The following HK1 variants were observed in gnomAD, a reference collection of about 807,000 sequenced individuals.
The protein encoded by HK1 is hexokinase 1, also known as hexokinase-1.
HK1 carries 28 observed loss-of-function variants against 91.6 expected under a neutral mutation model. The observed-to-expected ratio is 0.31, with a 90% CI of 0.23 to 0.42. The LOEUF is 0.42. Among genes scored for constraint, HK1 ranks in the 10% least tolerant of loss-of-function variants. The pLI is 1.00. For missense variants in HK1, 770 were observed against 1,219.8 expected, an observed-to-expected ratio of 0.63 and a Z score of 5.49; for synonymous variants, 430 against 468.1, an observed-to-expected ratio of 0.92 and a Z score of 1.05.
Position 69,270,597 on chromosome 10 carries a change from A to T in HK1, c.-391+489A>T, listed in dbSNP as rs565609741. Reference sequence around the variant, plus strand: ...TCTGTCTAAAAAAGAAAAAAAAAAAAGGAAGAGAGAGCATCTTTATCTTCA... The same window carrying T: ...TCTGTCTAAAAAAGAAAAAAAAAAATGGAAGAGAGAGCATCTTTATCTTCA... On this transcript the variant is annotated intron_variant, in intron 1 of 21. Transcript: ENST00000360289. Among the ~76,000 whole-genome samples the T allele has an allele frequency of 3.3e-5, 5 of 151,908 alleles. No homozygotes were observed. In the South Asian group the frequency reaches 1.0e-3, roughly 32 times the overall value.
At chr10:69,367,058 C>G (rs1849742304) in intron 4 of HK1, among the ~76,000 whole-genome samples, 1 of 152,176 alleles carries the variant, frequency 6.6e-6, no homozygotes, top group African/African-American at 2.4e-5. Context: ...GAAGGTGCAG[C>G]CTTCTATGGA....
At chr10:69,389,838 G>T (rs1839816771) in intron 14 of HK1, among the ~76,000 whole-genome samples, 1 of 152,186 alleles carries the variant, frequency 6.6e-6, no homozygotes. Flanking sequence ...TTGCAGAGGG[G>T]TTGTCTCTGC....
rs764561693 is a variant in HK1 at position 69,300,808 on chromosome 10, T to A, written c.-27T>A. The A allele has an allele frequency of 1.9e-6, 3 of 1,611,410 alleles. No individual in the cohort carries two copies. In the African/African-American group the frequency reaches 4.0e-5, roughly 22 times the overall value. On this transcript the variant is annotated 5_prime_UTR_variant, in exon 5 of 22. Transcript: ENST00000360289. ...TTGAGAGCATCAGCCAGGACATTAA[T>A]GTGCACCACTGTGGTGGCGTGGAAA...
At position 69,379,994 on chromosome 10, in the gene HK1, C is replaced by T; in HGVS notation, c.1164C>T (p.Ala388=). 1 of 1,614,178 alleles carries T rather than the reference C, an allele frequency of 6.2e-7. No individual in the cohort carries two copies. Among genetic ancestry groups the T allele is most frequent in the Non-Finnish European group, 8.5e-7 (1 of 1,180,008 alleles). Reference sequence around the variant, plus strand: ...TTCGCTCAGCCAACTTGGTGGCTGCCACACTGGGCGCCATCTTGAACCGCC... The same window carrying T: ...TTCGCTCAGCCAACTTGGTGGCTGCTACACTGGGCGCCATCTTGAACCGCC... The part of the protein sequence containing the change: ...VSFRSANLVA[A]TLGAILNRLR... The change falls in exon 9 of 18, where the codon GCC becomes GCT. Residue 388 remains alanine, a synonymous_variant. Transcript: ENST00000359426.
intron 1 of HK1, among the ~76,000 whole-genome samples, chr10:69,336,656 T>TG (rs1848006220): frequency 6.7e-6 from 1 of 149,258 alleles, no homozygotes; most frequent in African/African-American, 2.5e-5. Flanking sequence ...TTTTTTTTTT[T>TG]TGAGATGGAT....
intron 1 of HK1, among the ~76,000 whole-genome samples, chr10:69,279,022 G>T (rs1564748583): frequency 6.6e-6 from 1 of 152,200 alleles, no homozygotes; most frequent in Non-Finnish European, 1.5e-5. Flanking sequence ...CCATCTTTAT[G>T]CAAGAAATGT....
At chr10:69,310,508 T>C (rs1393840186) in intron 5 of HK1, among the ~76,000 whole-genome samples, 3 of 152,088 alleles carry the variant, frequency 2.0e-5, no homozygotes, top group East Asian at 3.9e-4. Flanking sequence ...TGCTGACCCA[T>C]GTCATCTTAG....
intron 1 of HK1, among the ~76,000 whole-genome samples, chr10:69,332,219 A>G (rs1022790001): frequency 1.3e-5 from 2 of 152,160 alleles, no homozygotes; most frequent in African/African-American, 2.4e-5. Flanking sequence ...CATTTAAAGC[A>G]GTGGGTTTCT....
chr10:69,370,600 C>T (rs1589553552), intron 7 of HK1, among the ~76,000 whole-genome samples: 1 of 152,050 alleles, frequency 6.6e-6, no homozygotes, highest in South Asian at 2.1e-4. Context: ...TCTGAGGATC[C>T]AAAACAGCAC....
chr10:69,399,257 TC>T, intron 17 of HK1, among the ~76,000 whole-genome samples: 1 of 152,140 alleles, frequency 6.6e-6, no homozygotes, highest in Non-Finnish European at 1.5e-5. Flanking sequence ...ACACCTGTAA[TC>T]CAGCACTTTG....
chr10:69,321,809 G>A (rs1847049203), intron 1 of HK1, among the ~76,000 whole-genome samples: 1 of 152,118 alleles, frequency 6.6e-6, no homozygotes, highest in Non-Finnish European at 1.5e-5. Context: ...CCATTATCCA[G>A]ACGGCATCTG....
chr10:69,273,509 C>T (rs1174813548), intron 1 of HK1, among the ~76,000 whole-genome samples: 1 of 152,210 alleles, frequency 6.6e-6, no homozygotes, highest in East Asian at 1.9e-4. Context: ...AGCCACCGCT[C>T]CCAGCCTAAC....
intron 14 of HK1, among the ~76,000 whole-genome samples, chr10:69,389,821 A>C (rs1340636148): frequency 6.6e-6 from 1 of 152,176 alleles, no homozygotes; most frequent in Non-Finnish European, 1.5e-5. Context: ...CCAGCCACTG[A>C]AGGGGGTTGC....
chr10:69,287,649 T>C (rs1485033169), intron 2 of HK1, among the ~76,000 whole-genome samples: 1 of 152,112 alleles, frequency 6.6e-6, no homozygotes, highest in Non-Finnish European at 1.5e-5. Context: ...GGTTTCCTTA[T>C]AGAGTGATGA....
intron 1 of HK1, among the ~76,000 whole-genome samples, chr10:69,271,658 T>A (rs1052441909): frequency 6.6e-6 from 1 of 151,718 alleles, no homozygotes; most frequent in African/African-American, 2.4e-5. Flanking sequence ...TTTGCATTTT[T>A]ATTAGAGATG....
upstream of HK1, among the ~76,000 whole-genome samples, chr10:69,311,210 T>G (rs1846361331): frequency 6.6e-6 from 1 of 152,174 alleles, no homozygotes; most frequent in African/African-American, 2.4e-5. Context: ...TTAATGCTGG[T>G]CGGATGGGAC....
At chr10:69,367,823 T>C (rs1216860216) in intron 4 of HK1, among the ~76,000 whole-genome samples, 1 of 151,928 alleles carries the variant, frequency 6.6e-6, no homozygotes, top group East Asian at 1.9e-4. Context: ...ATCTTTTTAG[T>C]TTTTTTTTAA....
chr10:69,359,717 G>T (rs1849317842), intron 2 of HK1, among the ~76,000 whole-genome samples, 180 bp from the exon 3 acceptor site: 1 of 152,162 alleles, frequency 6.6e-6, no homozygotes, highest in Admixed American at 6.5e-5. Flanking sequence ...GGTTTCTTTT[G>T]CCTACTCTGC....
chr10:69,319,095 C>T (rs1268261565), intron 1 of HK1, 85 bp downstream of exon 1: 6 of 1,471,398 alleles, frequency 4.1e-6, no homozygotes, highest in African/African-American at 2.8e-5. Context: ...CCTCCATCCT[C>T]CGGCGCCCGG....
Sources: allele counts gnomAD v4.1 joint callset (sites outside exome capture counted in the v4.1 genomes callset), GRCh38; gene constraint gnomAD v4.1.1; transcripts MANE v1.5; gene names NCBI Gene and HGNC (gene_info 2026-07-23, HGNC 2026-07-21).